Variants in KALRN observed in about 807,000 individuals in gnomAD.
KALRN encodes the protein kalirin.
KALRN carries 70 observed loss-of-function variants against 353.7 expected under a neutral mutation model. That is an observed-to-expected ratio of 0.20 (90% confidence interval 0.16 to 0.24). The LOEUF (loss-of-function observed/expected upper bound fraction) is 0.24. Among genes scored for constraint, KALRN ranks in the 10% least tolerant of loss-of-function variants. KALRN has a pLI of 1.00. For missense variants in KALRN, 2,791 were observed against 3,756.7 expected (o/e 0.74, Z 6.72); for synonymous variants, 1,391 against 1,434.8 (o/e 0.97, Z 0.69).
At chr3:124,229,537 C>T (rs55963373) in intron 2 of KALRN, among the ~76,000 whole-genome samples, 43,045 of 152,254 alleles carry the variant, frequency 0.28, 7,582 homozygotes, top group Non-Finnish European at 0.4. Flanking sequence ...AGAGCTAGTC[C>T]AGTCCTGTAG....
chr3:124,446,741 G>A (rs1476570067), intron 20 of KALRN, 22 bp from the exon 21 acceptor site: 1 of 1,613,512 alleles, frequency 6.2e-7, no homozygotes, highest in South Asian at 1.1e-5. Flanking sequence ...TTGGGGACTG[G>A]ATGAGTTGTT....
chr3:124,622,750 G>T (rs1346544469), intron 34 of KALRN, among the ~76,000 whole-genome samples: 1 of 152,198 alleles, frequency 6.6e-6, no homozygotes. Flanking sequence ...CTTGGGGTCA[G>T]TAGAAACAAG....
intron 25 of KALRN, among the ~76,000 whole-genome samples, chr3:124,473,742 T>C (rs750378696): frequency 6.6e-6 from 1 of 152,170 alleles, no homozygotes; most frequent in Non-Finnish European, 1.5e-5. Context: ...TGTGTAGAAA[T>C]AGCTACAGGA....
intron 1 of KALRN, among the ~76,000 whole-genome samples, chr3:124,221,004 T>C (rs1214489611): frequency 6.6e-6 from 1 of 152,216 alleles, no homozygotes; most frequent in Non-Finnish European, 1.5e-5. Context: ...CCCCTTGCTG[T>C]ATGTAGCACA....
intron 1 of KALRN, among the ~76,000 whole-genome samples, chr3:124,136,792 A>G (rs1472302032): frequency 6.6e-6 from 1 of 152,188 alleles, no homozygotes; most frequent in African/African-American, 2.4e-5. Context: ...GTGACCTGGG[A>G]AAAGATGGTC....
intron 9 of KALRN, among the ~76,000 whole-genome samples, chr3:124,335,341 T>G (rs1427455227): frequency 6.6e-6 from 1 of 152,202 alleles, no homozygotes; most frequent in Non-Finnish European, 1.5e-5. Context: ...GATTACAGGT[T>G]ATTCCTGACT....
intron 1 of KALRN, among the ~76,000 whole-genome samples, chr3:124,167,683 T>C (rs760235797): frequency 1.2e-4 from 19 of 152,226 alleles, no homozygotes; most frequent in Non-Finnish European, 2.1e-4. Flanking sequence ...CACTATCAAA[T>C]TGAGGTAGTA....
In KALRN at chr3:124,722,265, C is replaced by A. The variant is rs1559896241; in HGVS notation, c.*2795C>A. 6.6e-6 allele frequency: 1 copy of A among 152,090 alleles called. No homozygotes were observed. The highest frequency in any genetic ancestry group is 1.5e-5 in the Non-Finnish European group (1 of 68,046). 9.4% of individuals were successfully genotyped at this position (152,090 alleles called of 1,614,324 possible). A position where few individuals can be genotyped will look rare whatever the true frequency, so the allele number is the denominator to read the frequency against. On this transcript the variant is annotated 3_prime_UTR_variant, in exon 60 of 60. Coordinates refer to ENST00000682506, the MANE Select transcript of KALRN (RefSeq NM_001388419.1). ...GACAGACCCCAAGCTTTCATATCAG[C>A]TTTTACAACAGAGTTGGGAGGATCC...
chr3:124,358,038 G>A (rs1412288837), intron 10 of KALRN, among the ~76,000 whole-genome samples: 7 of 152,164 alleles, frequency 4.6e-5, no homozygotes, highest in African/African-American at 1.7e-4. Flanking sequence ...ACATAACTGA[G>A]TACTCTCCTG....
intron 9 of KALRN, among the ~76,000 whole-genome samples, chr3:124,344,864 T>C (rs1033394526): frequency 1.3e-5 from 2 of 152,154 alleles, no homozygotes; most frequent in Admixed American, 1.3e-4. Flanking sequence ...AAATTGACAT[T>C]TTAAAGAAAG....
intron 33 of KALRN, among the ~76,000 whole-genome samples, chr3:124,547,198 C>G (rs934880729): frequency 4.6e-5 from 7 of 152,144 alleles, no homozygotes; most frequent in African/African-American, 1.7e-4. Context: ...AAGGATCTCA[C>G]TGTGTTGCCC....
chr3:124,113,835 C>A (rs575045746), intron 1 of KALRN, among the ~76,000 whole-genome samples: 1 of 152,314 alleles, frequency 6.6e-6, no homozygotes, highest in Non-Finnish European at 1.5e-5. Context: ...CATGAACTGG[C>A]AGGCATTAGA....
At chr3:124,092,664 T>G (rs1470899074) in intron 1 of KALRN, among the ~76,000 whole-genome samples, 1 of 152,142 alleles carries the variant, frequency 6.6e-6, no homozygotes, top group Non-Finnish European at 1.5e-5. Flanking sequence ...TCCCAGAGAA[T>G]CTCTTAGTGC....
In KALRN at chr3:124,234,819, C is replaced by G. The variant is rs777757878; in HGVS notation, c.149-10C>G. ...TTTCTTAAACACTCTTCTCTTCCTCCTTCTTGCAGGGGGTCGTGATAAGCG... is the reference window on the plus strand; with the variant it reads ...TTTCTTAAACACTCTTCTCTTCCTCGTTCTTGCAGGGGGTCGTGATAAGCG... On this transcript the variant is annotated splice_polypyrimidine_tract_variant and intron_variant, in intron 2 of 59. Transcript: ENST00000682506. 2 of 1,579,084 alleles carry G rather than the reference C, an allele frequency of 1.3e-6. No individual in the cohort carries two copies. Among genetic ancestry groups the G allele is most frequent in the East Asian group, 4.6e-5 (2 of 43,228 alleles).
At chr3:124,241,578 A>G (rs1361783836) in intron 3 of KALRN, among the ~76,000 whole-genome samples, 1 of 152,270 alleles carries the variant, frequency 6.6e-6, no homozygotes, top group Non-Finnish European at 1.5e-5. Context: ...TTTTCAATTT[A>G]TTAATTATTG....
Position 124,724,651 on chromosome 3 carries a change from G to A in KALRN, c.*5181G>A, listed in dbSNP as rs555539583. ...AAAGGGTTAAAAAGGGCTGAAATTT[G>A]TTTATAGCACTAAATGTTTTTAATA... On this transcript the variant is annotated 3_prime_UTR_variant, in exon 60 of 60. Coordinates refer to ENST00000682506, the MANE Select transcript of KALRN (RefSeq NM_001388419.1). The A allele has an allele frequency of 6.6e-6, 1 of 152,162 alleles. No homozygotes were observed. The highest frequency in any genetic ancestry group is 1.5e-5 in the Non-Finnish European group (1 of 68,016). The allele number at this position is 152,162 out of a possible 1,614,324, so 9.4% of individuals were successfully genotyped here.
intron 57 of KALRN, among the ~76,000 whole-genome samples, chr3:124,707,125 G>C (rs1414909242): frequency 6.6e-6 from 1 of 151,992 alleles, no homozygotes; most frequent in Non-Finnish European, 1.5e-5. Flanking sequence ...GATCACTTGA[G>C]CCCAGGAGTC....
intron 42 of KALRN, among the ~76,000 whole-genome samples, 184 bp downstream of exon 42, chr3:124,658,701 C>T (rs2084416148): frequency 2.6e-5 from 4 of 152,186 alleles, no homozygotes; most frequent in Admixed American, 2.6e-4. Flanking sequence ...TCATGAGCAC[C>T]TTCACTTGAG....
chr3:124,505,590 A>C (rs1367513250), intron 33 of KALRN, among the ~76,000 whole-genome samples: 1 of 152,200 alleles, frequency 6.6e-6, no homozygotes, highest in Non-Finnish European at 1.5e-5. Context: ...CTGTGATTGC[A>C]CCACTGTACT....
Sources: allele counts gnomAD v4.1 joint callset (sites outside exome capture counted in the v4.1 genomes callset), GRCh38; gene constraint gnomAD v4.1.1; transcripts MANE v1.5; gene names NCBI Gene and HGNC (gene_info 2026-07-23, HGNC 2026-07-21).